RNF130: variants seen among roughly 807,000 people sequenced by gnomAD.
RNF130 encodes the protein ring finger protein 130.
A neutral mutation model predicts 44.6 loss-of-function variants in RNF130; 21 were observed. The ratio of observed to expected loss-of-function variants is 0.47; its 90% CI spans 0.33 to 0.68. RNF130 has a LOEUF of 0.68. Ranked by LOEUF, RNF130 falls within the 30% of genes least tolerant of loss-of-function variation. The probability of loss-of-function intolerance (pLI) is 0.02; values close to 1 mark genes in which losing one functional copy is unlikely to be tolerated. For synonymous variants in RNF130, 214 were observed against 210.4 expected, an observed-to-expected ratio of 1.02 and a Z score of -0.15; for missense variants, 479 against 560.6, an observed-to-expected ratio of 0.85 and a Z score of 1.47.
intron 7 of RNF130, among the ~76,000 whole-genome samples, chr5:179,937,053 A>G (rs1210057946): frequency 6.6e-6 from 1 of 152,236 alleles, no homozygotes. Context: ...TAGCTTTGAC[A>G]CCTAAAGCAT....
intron 5 of RNF130, 50 bp from the exon 6 acceptor site, chr5:179,970,556 T>G: frequency 7.0e-7 from 1 of 1,419,472 alleles, no homozygotes; most frequent in African/African-American, 1.4e-5. Flanking sequence ...AAGAAACTTA[T>G]TAGGCCAAAA....
intron 5 of RNF130, among the ~76,000 whole-genome samples, chr5:179,971,356 A>C (rs935261420): frequency 4.6e-5 from 7 of 152,298 alleles, no homozygotes; most frequent in Admixed American, 1.3e-4. Context: ...AGTTTGGGAT[A>C]AGATAAAAGA....
At chr5:179,972,673 G>A (rs1017289737) in intron 5 of RNF130, among the ~76,000 whole-genome samples, 6 of 152,032 alleles carry the variant, frequency 3.9e-5, no homozygotes, top group Admixed American at 3.9e-4. Context: ...GGATGGAGGT[G>A]CGGCTCTGGT....
At chr5:179,965,690 G>A (rs375942701) in intron 7 of RNF130, among the ~76,000 whole-genome samples, 2 of 152,214 alleles carry the variant, frequency 1.3e-5, no homozygotes, top group Non-Finnish European at 2.9e-5. Context: ...TAAACGAATC[G>A]AGAGATGGTG....
At chr5:179,973,787 C>T (rs544894581) in intron 5 of RNF130, among the ~76,000 whole-genome samples, 3 of 152,134 alleles carry the variant, frequency 2.0e-5, no homozygotes, top group Non-Finnish European at 2.9e-5. Flanking sequence ...AAAACAGGCC[C>T]GCCACACACA....
chr5:179,959,948 G>A (rs912040752), intron 8 of RNF130, among the ~76,000 whole-genome samples: 2 of 152,162 alleles, frequency 1.3e-5, no homozygotes, highest in African/African-American at 2.4e-5. Context: ...TGATTTCTAT[G>A]AATCAGAATC....
At chr5:180,009,420 A>G (rs970408852) in intron 3 of RNF130, among the ~76,000 whole-genome samples, 3 of 152,258 alleles carry the variant, frequency 2.0e-5, no homozygotes, top group Non-Finnish European at 4.4e-5. Flanking sequence ...CAATCTAGGT[A>G]GAAAATGGGC....
intron 1 of RNF130, among the ~76,000 whole-genome samples, chr5:180,045,301 C>T (rs945306647): frequency 3.9e-5 from 6 of 152,108 alleles, no homozygotes; most frequent in Admixed American, 1.3e-4. Context: ...TTGCTGACTT[C>T]AAGAAGGAAG....
intron 3 of RNF130, among the ~76,000 whole-genome samples, chr5:179,996,075 T>C (rs1763190467): frequency 1.3e-5 from 2 of 152,222 alleles, no homozygotes; most frequent in African/African-American, 4.8e-5. Flanking sequence ...TTTCACAATA[T>C]TAATTATTCC....
At chr5:180,013,908 T>C (rs6870903) in intron 2 of RNF130, among the ~76,000 whole-genome samples, 2,389 of 152,296 alleles carry the variant, frequency 0.016, 64 homozygotes, top group African/African-American at 0.053. Context: ...GTAACAGAGC[T>C]ACAAAGTGCC....
intron 1 of RNF130, among the ~76,000 whole-genome samples, chr5:180,065,202 T>C (rs1324757086): frequency 6.6e-6 from 1 of 152,222 alleles, no homozygotes; most frequent in Non-Finnish European, 1.5e-5. Flanking sequence ...GTACAACTTT[T>C]CCCCCTGTCC....
rs1561710832 is a variant in RNF130, at chr5:180,057,341, GAGT to G, written c.247+14112_247+14114del. On this transcript the variant is annotated intron_variant, in intron 1 of 8. Transcript: ENST00000521389. ...AGGCGGGAGGATCACCCGAGGTCAG[GAGT>G]TTGAGACCAGCCTGGCCAACATGGT... Among the ~76,000 whole-genome samples, 6 of 152,338 alleles carry G rather than the reference GAGT, an allele frequency of 3.9e-5. No individual in the cohort carries two copies. The East Asian group carries it at 1.2e-3, about 29-fold the overall frequency.
intron 1 of RNF130, among the ~76,000 whole-genome samples, chr5:180,065,677 T>C (rs1765088421): frequency 2.0e-5 from 3 of 152,014 alleles, no homozygotes; most frequent in Admixed American, 2.0e-4. Flanking sequence ...GGAGAATTGC[T>C]TGAACCCAGG....
At chr5:179,997,788 T>C (rs1763238758) in intron 3 of RNF130, among the ~76,000 whole-genome samples, 1 of 151,900 alleles carries the variant, frequency 6.6e-6, no homozygotes, top group African/African-American at 2.4e-5. Flanking sequence ...ATTTCACTTA[T>C]TCCTGATTTG....
chr5:180,060,110 A>G (rs988068946), intron 1 of RNF130, among the ~76,000 whole-genome samples: 3 of 152,208 alleles, frequency 2.0e-5, no homozygotes, highest in African/African-American at 4.8e-5. Flanking sequence ...TACAAGCTGA[A>G]AAAGGCAAGG....
rs1042409080 is a variant in RNF130, at chr5:179,958,078, T to G, written c.1245-2409A>C. Reference sequence around the variant, plus strand: ...ATTTTTAGTAGAGACGGGGTTTCACTGTTTTAGCCGGGATGGTCTCGATCT... The same window carrying G: ...ATTTTTAGTAGAGACGGGGTTTCACGGTTTTAGCCGGGATGGTCTCGATCT... On this transcript the variant is annotated intron_variant, in intron 8 of 8. Transcript: ENST00000521389. 2.6e-5 allele frequency among the ~76,000 whole-genome samples: 4 copies of G among 152,146 alleles called. No homozygotes were observed. In the South Asian group the frequency reaches 8.3e-4, roughly 32 times the overall value.
At chr5:179,948,563 C>T (rs1762079065) in intron 7 of RNF130, among the ~76,000 whole-genome samples, 1 of 152,004 alleles carries the variant, frequency 6.6e-6, no homozygotes. Context: ...CCCAGCTACT[C>T]AGGAGGCTGA....
chr5:179,959,359 C>A (rs1582141529), intron 8 of RNF130, among the ~76,000 whole-genome samples: 2 of 152,140 alleles, frequency 1.3e-5, no homozygotes, highest in South Asian at 4.2e-4. Context: ...GAGTACTGAG[C>A]ACTCAAGCCT....
At chr5:179,942,962 C>T (rs773370068) in intron 7 of RNF130, among the ~76,000 whole-genome samples, 22 of 152,074 alleles carry the variant, frequency 1.4e-4, no homozygotes, top group Non-Finnish European at 2.8e-4. Flanking sequence ...TTTGAGAGGC[C>T]GAGGAGGGTG....
Sources: allele counts gnomAD v4.1 joint callset (sites outside exome capture counted in the v4.1 genomes callset), GRCh38; gene constraint gnomAD v4.1.1; transcripts MANE v1.5; gene names NCBI Gene and HGNC (gene_info 2026-07-23, HGNC 2026-07-21).